The following ABCG1 variants were observed in gnomAD, a reference collection of about 807,000 sequenced individuals.
ABCG1 encodes ATP binding cassette subfamily G member 1.
A neutral mutation model predicts 69.2 loss-of-function variants in ABCG1; 29 were observed. The observed-to-expected ratio is 0.42, with a 90% CI of 0.31 to 0.57. The LOEUF (loss-of-function observed/expected upper bound fraction) is 0.57, where lower values mean the gene tolerates loss of function less well. ABCG1 is among the 20% of genes least tolerant of loss of function. The pLI is 0.15. For missense variants in ABCG1, 718 were observed against 898.1 expected, an observed-to-expected ratio of 0.80 and a Z score of 2.56; for synonymous variants, 370 against 374.8, an observed-to-expected ratio of 0.99 and a Z score of 0.15.
upstream of ABCG1, among the ~76,000 whole-genome samples, chr21:42,218,548 C>G (rs766766892): frequency 6.6e-6 from 1 of 152,362 alleles, no homozygotes; most frequent in Admixed American, 6.5e-5. Flanking sequence ...TAACCCAGCA[C>G]TTAGCACCAT....
intron 1 of ABCG1, among the ~76,000 whole-genome samples, chr21:42,201,136 A>C (rs2067503265): frequency 6.6e-6 from 1 of 151,870 alleles, no homozygotes; most frequent in Non-Finnish European, 1.5e-5. Context: ...ACTCACTGAT[A>C]GGGTTTTGAT....
chr21:42,294,299 G>GCT (rs1434008065), intron 13 of ABCG1, among the ~76,000 whole-genome samples: 5 of 152,360 alleles, frequency 3.3e-5, no homozygotes, highest in African/African-American at 1.2e-4. Flanking sequence ...CTGGGTCCCA[G>GCT]CTCATCCTGG....
intron 2 of ABCG1, among the ~76,000 whole-genome samples, chr21:42,203,087 CCACGGGCAGAAAAAAAGAAG>C (rs2067519442): frequency 6.6e-6 from 1 of 152,130 alleles, no homozygotes; most frequent in African/African-American, 2.4e-5. Flanking sequence ...ATTTGGGTAT[CCACGGGCAGAAAAAAAGAAG>C]AACCTGGACT....
At chr21:42,210,242 G>C (rs1351841149) in intron 2 of ABCG1, among the ~76,000 whole-genome samples, 1 of 152,214 alleles carries the variant, frequency 6.6e-6, no homozygotes, top group Non-Finnish European at 1.5e-5. Flanking sequence ...GTAGTGGCCA[G>C]AGGGATGGAA....
At position 42,291,551 on chromosome 21, in the gene ABCG1, G is replaced by A. The variant is rs374817134; in HGVS notation, c.1548G>A (p.Pro516=). 90 of 1,613,474 alleles carry A rather than the reference G, an allele frequency of 5.6e-5. No individual in the cohort carries two copies. Among genetic ancestry groups the A allele is most frequent in the African/African-American group, 8.0e-5 (6 of 74,912 alleles). Reference sequence around the variant, plus strand: ...TCGTGTACTGGATGACGTCGCAGCCGTCCGACGCCGTGCGCTTTGTGCTGT... The same window carrying A: ...TCGTGTACTGGATGACGTCGCAGCCATCCGACGCCGTGCGCTTTGTGCTGT... The part of the protein sequence containing the change: ...CSIVYWMTSQ[P]SDAVRFVLFA... The change falls in exon 13 of 15, where the codon CCG becomes CCA. Residue 516 remains proline (P), a synonymous_variant. Transcript: ENST00000398449. The surrounding 1 kb of genome is among the most constrained non-coding windows in gnomAD (Gnocchi z 6.4).
At chr21:42,228,060 C>A (rs2084153506) in intron 2 of ABCG1, among the ~76,000 whole-genome samples, 1 of 152,138 alleles carries the variant, frequency 6.6e-6, no homozygotes, top group African/African-American at 2.4e-5. Flanking sequence ...TGACTTGTCA[C>A]CCCTATATTC....
At chr21:42,201,588 C>A in exon 2 of ABCG1, 10 of 1,544,940 alleles carry the variant, frequency 6.5e-6, no homozygotes, top group Non-Finnish European at 7.9e-6. Flanking sequence ...GCTACACCAA[C>A]CTGAACTTCG....
At chr21:42,234,932 G>T (rs1317137273) in intron 2 of ABCG1, among the ~76,000 whole-genome samples, 4 of 151,968 alleles carry the variant, frequency 2.6e-5, no homozygotes, top group Non-Finnish European at 5.9e-5. Flanking sequence ...GCGGCGGAGC[G>T]GCGGCGCGGG....
chr21:42,296,175 A>C lies in ABCG1; in HGVS notation c.1784A>C (p.Glu595Ala). The change falls in exon 15 of 15, where the codon GAA becomes GCA. Residue 595 changes from glutamate to alanine, a missense_variant. By Grantham distance (107) the Glu-to-Ala change is moderately radical. Transcript: ENST00000398449. The surrounding 1 kb of genome is among the most constrained non-coding windows in gnomAD (Gnocchi z 5.4). ...GCCTTTCCTCCTAGGTATGGGTTCG[A>C]AGGGGTCATCCTCTCCATCTATGGC... ...SYISYVRYGF[E>A]GVILSIYGLD... The C allele has an allele frequency of 6.2e-7, 1 of 1,613,974 alleles. No homozygotes were observed. Among genetic ancestry groups the C allele is most frequent in the Non-Finnish European group, 8.5e-7 (1 of 1,179,980 alleles).
chr21:42,282,929 A>T (rs2123775085), intron 6 of ABCG1, among the ~76,000 whole-genome samples: 1 of 151,764 alleles, frequency 6.6e-6, no homozygotes, highest in Admixed American at 6.6e-5. Flanking sequence ...AGCTCTCTAT[A>T]CCCACGGGCG....
intron 2 of ABCG1, among the ~76,000 whole-genome samples, chr21:42,229,739 A>AAAAG (rs538894463): frequency 5.9e-5 from 9 of 151,612 alleles, no homozygotes; most frequent in East Asian, 3.9e-4. Context: ...ACACAAAAAC[A>AAAAG]AAAGAAAGAA....
intron 10 of ABCG1, among the ~76,000 whole-genome samples, 172 bp from the exon 11 acceptor site, chr21:42,289,878 G>A (rs1414307921): frequency 6.6e-6 from 1 of 152,208 alleles, no homozygotes; most frequent in African/African-American, 2.4e-5. Flanking sequence ...GTGTGTGTAT[G>A]TGAGTCGCTT....
chr21:42,277,839 A>G (rs1327928190), intron 5 of ABCG1, among the ~76,000 whole-genome samples: 2 of 152,252 alleles, frequency 1.3e-5, no homozygotes, highest in Non-Finnish European at 2.9e-5. Context: ...AGGAACAGTC[A>G]TAGCAATTCT....
At chr21:42,231,304 G>A (rs1051144851) in intron 2 of ABCG1, among the ~76,000 whole-genome samples, 12 of 152,168 alleles carry the variant, frequency 7.9e-5, no homozygotes, top group South Asian at 2.1e-4. Flanking sequence ...GCTTTAGAGC[G>A]TTTTCTTTCC....
chr21:42,214,540 C>T (rs1381211164), upstream of ABCG1, among the ~76,000 whole-genome samples: 8 of 152,330 alleles, frequency 5.3e-5, no homozygotes, highest in South Asian at 4.1e-4. Flanking sequence ...AAGGCAAGCT[C>T]GCCACAGGGA....
chr21:42,230,869 G>A (rs1322077549), intron 2 of ABCG1, among the ~76,000 whole-genome samples: 1 of 152,234 alleles, frequency 6.6e-6, no homozygotes, highest in Non-Finnish European at 1.5e-5. Flanking sequence ...TGTGACATGA[G>A]GCTCAGAGAC....
intron 5 of ABCG1, among the ~76,000 whole-genome samples, chr21:42,281,455 C>G (rs540979461): frequency 6.6e-6 from 1 of 152,180 alleles, no homozygotes; most frequent in Non-Finnish European, 1.5e-5. Context: ...TTCCCTGAGT[C>G]GATACAGGAT....
intron 5 of ABCG1, among the ~76,000 whole-genome samples, chr21:42,277,746 C>T (rs1023479172): frequency 2.6e-5 from 4 of 152,138 alleles, no homozygotes; most frequent in African/African-American, 9.7e-5. Context: ...TGGGGTTTGC[C>T]GGGTTAGTGC....
intron 5 of ABCG1, among the ~76,000 whole-genome samples, chr21:42,277,288 A>G (rs768351909): frequency 2.6e-5 from 4 of 152,240 alleles, no homozygotes; most frequent in Admixed American, 6.5e-5. Flanking sequence ...TATGATCGAT[A>G]TTAAATTTTT....
Sources: allele counts gnomAD v4.1 joint callset (sites outside exome capture counted in the v4.1 genomes callset), GRCh38; gene constraint gnomAD v4.1.1; non-coding constraint Gnocchi (gnomAD v3.1); transcripts MANE v1.5; gene names NCBI Gene and HGNC (gene_info 2026-07-23, HGNC 2026-07-21).